The following LRP1 variants were observed in gnomAD, a reference collection of about 807,000 sequenced individuals.
LRP1 encodes the protein LDL receptor related protein 1.
A neutral mutation model predicts 541.5 loss-of-function variants in LRP1; 51 were observed. The observed-to-expected ratio is 0.09, with a 90% CI of 0.08 to 0.12. The LOEUF (loss-of-function observed/expected upper bound fraction) is 0.12. Among genes scored for constraint, LRP1 ranks in the 10% least tolerant of loss-of-function variants. The probability of loss-of-function intolerance (pLI) is 1.00; values close to 1 mark genes in which losing one functional copy is unlikely to be tolerated. For missense variants in LRP1, 3,878 were observed against 6,376.2 expected, an observed-to-expected ratio of 0.61 and a Z score of 13.34; for synonymous variants, 2,219 against 2,470.8, an observed-to-expected ratio of 0.90 and a Z score of 3.02.
chr12:57,160,205 C>A (rs1406311052), intron 12 of LRP1, among the ~76,000 whole-genome samples, 200 bp downstream of exon 12: 1 of 152,118 alleles, frequency 6.6e-6, no homozygotes, highest in African/African-American at 2.4e-5. Flanking sequence ...AAATCTGATC[C>A]TGTCACTCCC....
rs2036767072 is a variant in LRP1 at position 57,205,862 on chromosome 12, C to A, written c.11590+185C>A. The A allele has an allele frequency of 2.3e-6, 2 of 860,324 alleles. No individual in the cohort carries two copies. Among genetic ancestry groups the A allele is most frequent in the East Asian group, 2.7e-5 (1 of 37,250 alleles). 53.3% of individuals were successfully genotyped at this position (860,324 alleles called of 1,614,324 possible). ...CAGTGGGGGCAGGTCCTGGGGCTGG[C>A]TGACTGAAGGAGTCTGGGGTGTGGC... On this transcript the variant is annotated intron_variant, in intron 75 of 88. Coordinates refer to ENST00000243077, the MANE Select transcript of LRP1 (RefSeq NM_002332.3). The surrounding 1 kb of genome is among the most constrained non-coding windows in gnomAD (Gnocchi z 4.6).
intron 6 of LRP1, chr12:57,149,546 C>G: frequency 1.5e-6 from 1 of 660,898 alleles, no homozygotes; most frequent in Non-Finnish European, 2.7e-6. Flanking sequence ...AAGGATTTCT[C>G]AATAGAGGGA....
intron 76 of LRP1, among the ~76,000 whole-genome samples, chr12:57,207,688 A>G (rs1300947597): frequency 6.6e-6 from 1 of 152,256 alleles, no homozygotes; most frequent in African/African-American, 2.4e-5. Context: ...CAGGCAGCCC[A>G]GGGCACAGGG....
chr12:57,156,769 GC>G lies in LRP1; in HGVS notation c.1418-3del. ...AGGGGTCCTAACAGCTCTTCACCCT[GC>G]CCCCAGTGAGGAGCCATGCCTGTGA... On this transcript the variant is annotated splice_polypyrimidine_tract_variant and splice_region_variant and intron_variant, in intron 9 of 88. Coordinates refer to ENST00000243077, the MANE Select transcript of LRP1 (RefSeq NM_002332.3). The surrounding 1 kb of genome is among the most constrained non-coding windows in gnomAD (Gnocchi z 5.2). 6.2e-7 allele frequency: 1 copy of G among 1,603,680 alleles called. No homozygotes were observed.
chr12:57,160,856 G>T, intron 12 of LRP1, 37 bp from the exon 13 acceptor site: 1 of 1,547,868 alleles, frequency 6.5e-7, no homozygotes, highest in South Asian at 1.1e-5. Context: ...TTGATGGCGG[G>T]GGTGCCCAGG....
intron 51 of LRP1, 65 bp downstream of exon 51, chr12:57,195,166 C>A (rs544128193): frequency 2.5e-6 from 4 of 1,593,762 alleles, no homozygotes; most frequent in Non-Finnish European, 3.4e-6. Flanking sequence ...CCCAACTCCA[C>A]CCCACACACA....
rs942309820 is a variant in LRP1 at position 57,206,151 on chromosome 12, G to C, written c.11591-322G>C. Among the ~76,000 whole-genome samples, 1 of 152,252 alleles carries C rather than the reference G, an allele frequency of 6.6e-6. No individual in the cohort carries two copies. Among genetic ancestry groups the C allele is most frequent in the Non-Finnish European group, 1.5e-5 (1 of 68,046 alleles). Reference sequence around the variant, plus strand: ...CATGTGCCTATGCACCCCCGAGCATGTGCCAGGCAGTTTGTAGCAGAGAGC... The same window carrying C: ...CATGTGCCTATGCACCCCCGAGCATCTGCCAGGCAGTTTGTAGCAGAGAGC... On this transcript the variant is annotated intron_variant, in intron 75 of 88. Coordinates refer to ENST00000243077, the MANE Select transcript of LRP1 (RefSeq NM_002332.3). This position sits in a 1 kb window ranked among gnomAD's most constrained non-coding sequence, Gnocchi z 4.7.
chr12:57,180,564 T>C, intron 32 of LRP1, 85 bp downstream of exon 32: 3 of 1,607,114 alleles, frequency 1.9e-6, no homozygotes, highest in Non-Finnish European at 2.6e-6. Flanking sequence ...TGGGGCAGTC[T>C]CTCACCATGT....
intron 61 of LRP1, 83 bp from the exon 62 acceptor site, chr12:57,199,794 G>A (rs989111187): frequency 1.8e-5 from 26 of 1,470,240 alleles, no homozygotes; most frequent in Middle Eastern, 3.6e-4. Flanking sequence ...AGACCCACCC[G>A]CCTCTGTCCA....
rs1037832037 is a variant in LRP1 at position 57,206,167 on chromosome 12, A to G, written c.11591-306A>G. 6.6e-6 allele frequency among the ~76,000 whole-genome samples: 1 copy of G among 152,214 alleles called. No individual in the cohort carries two copies. Among genetic ancestry groups the G allele is most frequent in the African/African-American group, 2.4e-5 (1 of 41,456 alleles). Reference sequence around the variant, plus strand: ...CCCGAGCATGTGCCAGGCAGTTTGTAGCAGAGAGCGTGGTGATGCCATCCA... The same window carrying G: ...CCCGAGCATGTGCCAGGCAGTTTGTGGCAGAGAGCGTGGTGATGCCATCCA... On this transcript the variant is annotated intron_variant, in intron 75 of 88. Coordinates refer to ENST00000243077, the MANE Select transcript of LRP1 (RefSeq NM_002332.3). This position sits in a 1 kb window ranked among gnomAD's most constrained non-coding sequence, Gnocchi z 4.7.
chr12:57,188,764 G>A lies in LRP1; in HGVS notation c.7031+1308G>A, dbSNP rs12368582. On this transcript the variant is annotated intron_variant, in intron 42 of 88. Transcript: ENST00000243077. ...GGACCCAGTGGGGAGCGCGAGGGGC[G>A]TCATGAAGAGCTTCGTGGCTGTGTG... Among the ~76,000 whole-genome samples the A allele has an allele frequency of 3.8e-3, 585 of 152,344 alleles. 2 individuals are homozygous for A. Among genetic ancestry groups the A allele is most frequent in the Non-Finnish European group, 6.1e-3 (414 of 68,028 alleles).
chr12:57,196,425 T>C (rs1176153467), intron 55 of LRP1, 148 bp downstream of exon 55: 2 of 798,332 alleles, frequency 2.5e-6, no homozygotes, highest in African/African-American at 1.7e-5. Flanking sequence ...TCTGCCTCTA[T>C]CTGGCAGGTA....
intron 2 of LRP1, 45 bp from the exon 3 acceptor site, chr12:57,141,318 GACCAGAGAGCC>G: frequency 6.2e-7 from 1 of 1,608,722 alleles, no homozygotes; most frequent in Non-Finnish European, 8.5e-7. Flanking sequence ...GTGAACAGCT[GACCAGAGAGCC>G]ACCATAGCCA....
At position 57,183,346 on chromosome 12, in the gene LRP1, G is replaced by A. The variant is rs377438798; in HGVS notation, c.5663-33G>A. The A allele has an allele frequency of 6.9e-6, 11 of 1,586,622 alleles. No homozygotes were observed. The highest frequency in any genetic ancestry group is 1.7e-4 in the Middle Eastern group (1 of 5,970). Reference sequence around the variant, plus strand: ...GAACCAAGTTTAAGGGAGTGTTGGCGATACCCATGCCTTAAGTTTCCTTGT... The same window carrying A: ...GAACCAAGTTTAAGGGAGTGTTGGCAATACCCATGCCTTAAGTTTCCTTGT... On this transcript the variant is annotated intron_variant, in intron 34 of 88. Coordinates refer to ENST00000243077, the MANE Select transcript of LRP1 (RefSeq NM_002332.3). The surrounding 1 kb of genome is among the most constrained non-coding windows in gnomAD (Gnocchi z 6.1).
chr12:57,201,488 A>T lies in LRP1; in HGVS notation c.10346-9A>T, dbSNP rs1257532386. ...AGGGAGGGCCCTCATTCTCTTGCCCACCCCACAGCCGAGGTGACCTGCGCC... is the reference window on the plus strand; with the variant it reads ...AGGGAGGGCCCTCATTCTCTTGCCCTCCCCACAGCCGAGGTGACCTGCGCC... On this transcript the variant is annotated splice_polypyrimidine_tract_variant and intron_variant, in intron 65 of 88. Coordinates refer to ENST00000243077, the MANE Select transcript of LRP1 (RefSeq NM_002332.3). The surrounding 1 kb of genome is among the most constrained non-coding windows in gnomAD (Gnocchi z 6.4). The T allele has an allele frequency of 1.2e-5, 19 of 1,603,316 alleles. No homozygotes were observed. Among genetic ancestry groups the T allele is most frequent in the Non-Finnish European group, 1.5e-5 (18 of 1,173,038 alleles).
rs560090349 is a variant in LRP1, at chr12:57,155,012, G to A, written c.1227+311G>A. ...CAGTTCCCTTTCAGCAGATGAAAAA[G>A]CAGGATCAAAGAGGTTAGGTGATTT... is the stretch of plus-strand genomic sequence containing the variant. On this transcript the variant is annotated intron_variant, in intron 8 of 88. Transcript: ENST00000243077. 4 of 580,492 alleles carry A rather than the reference G, an allele frequency of 6.9e-6. No individual in the cohort carries two copies. The Admixed American group carries it at 1.2e-4, about 18-fold the overall frequency. The allele number at this position is 580,492 out of a possible 1,614,324, so 36.0% of individuals were successfully genotyped here. A position where few individuals can be genotyped will look rare whatever the true frequency, so the allele number is the denominator to read the frequency against.
chr12:57,210,061 T>C lies in LRP1; in HGVS notation c.12472T>C (p.Trp4158Arg). 2 of 1,612,812 alleles carry C rather than the reference T, an allele frequency of 1.2e-6. No individual in the cohort carries two copies. Among genetic ancestry groups the C allele is most frequent in the Non-Finnish European group, 1.7e-6 (2 of 1,179,380 alleles). ...CCCATGTGACCGCAAGAAATGCGAG[T>C]GGCTCTGCCTGCTGAGCCCCAGTGG... ...TNPCDRKKCE[W>R]LCLLSPSGPV... is the part of the protein sequence containing the mutation. Residue 4158 changes from tryptophan to arginine, a missense_variant, in exon 81 of 89, where the codon TGG becomes CGG. Transcript: ENST00000243077.
At chr12:57,208,422 G>T (rs2036833912) in intron 77 of LRP1, 12 of 625,574 alleles carry the variant, frequency 1.9e-5, no homozygotes, top group Non-Finnish European at 3.3e-5. Context: ...GGCCTGCTTG[G>T]GCAGGGATCT....
In LRP1 at chr12:57,179,802, C is replaced by T. The variant is rs1403983340; in HGVS notation, c.4987C>T (p.Leu1663=). Residue 1663 remains leucine, a synonymous_variant, in exon 30 of 89, where the codon CTG becomes TTG. Coordinates refer to ENST00000243077, the MANE Select transcript of LRP1 (RefSeq NM_002332.3). This position sits in a 1 kb window ranked among gnomAD's most constrained non-coding sequence, Gnocchi z 6.8. ...CCCAGACTTGCCAAATGCCCACGGG[C>T]TGGCTGTGGACTGGGTCTCCCGAAA... The part of the protein sequence containing the change: ...VSADLPNAHG[L]AVDWVSRNLF... 6.2e-7 allele frequency: 1 copy of T among 1,614,074 alleles called. No individual in the cohort carries two copies. The highest frequency in any genetic ancestry group is 8.5e-7 in the Non-Finnish European group (1 of 1,179,986).
Sources: gnomAD v4.1 joint callset for allele counts (sites outside exome capture counted in the v4.1 genomes callset) on GRCh38, gnomAD v4.1.1 for gene constraint, Gnocchi (gnomAD v3.1) non-coding constraint, MANE v1.5 for transcripts, NCBI Gene and HGNC (gene_info 2026-07-23, HGNC 2026-07-21) for gene names.